RASAL2: variants seen among roughly 807,000 people sequenced by gnomAD.
RASAL2 encodes RAS protein activator like 2.
A neutral mutation model predicts 128.9 loss-of-function variants in RASAL2; 58 were observed. That is an observed-to-expected ratio of 0.45 (90% CI 0.36 to 0.56). The LOEUF (loss-of-function observed/expected upper bound fraction) is 0.56. Among genes scored for constraint, RASAL2 ranks in the 20% least tolerant of loss-of-function variants. RASAL2 has a pLI of 0.00. For missense variants in RASAL2, 1,360 were observed against 1,601.6 expected, an observed-to-expected ratio of 0.85 and a Z score of 2.57; for synonymous variants, 561 against 580.8, an observed-to-expected ratio of 0.97 and a Z score of 0.49.
At chr1:178,387,816 C>T (rs1672673864) in intron 3 of RASAL2, among the ~76,000 whole-genome samples, 1 of 151,972 alleles carries the variant, frequency 6.6e-6, no homozygotes, top group African/African-American at 2.4e-5. Context: ...ATAACAATAC[C>T]ATATTTATTG....
chr1:178,282,378 G>C (rs1666826747), intron 1 of RASAL2, among the ~76,000 whole-genome samples: 1 of 152,150 alleles, frequency 6.6e-6, no homozygotes, highest in Non-Finnish European at 1.5e-5. Flanking sequence ...TCTATGAAGA[G>C]AGACATATAG....
intron 3 of RASAL2, among the ~76,000 whole-genome samples, chr1:178,307,039 A>C (rs1393716632): frequency 1.3e-5 from 2 of 151,960 alleles, no homozygotes; most frequent in African/African-American, 4.8e-5. Context: ...AAAAAGCACG[A>C]AAAAGATGTT....
chr1:178,230,234 T>C (rs7535718), intron 1 of RASAL2, among the ~76,000 whole-genome samples: 7,825 of 152,304 alleles, frequency 0.051, 303 homozygotes, highest in African/African-American at 0.11. Context: ...TTTTATTTTA[T>C]GACTATTATA....
chr1:178,187,253 T>C (rs1011792914), intron 1 of RASAL2, among the ~76,000 whole-genome samples: 4 of 152,162 alleles, frequency 2.6e-5, no homozygotes, highest in Non-Finnish European at 5.9e-5. Context: ...TTTCAATTGG[T>C]GTATTTTAGA....
intron 3 of RASAL2, among the ~76,000 whole-genome samples, chr1:178,324,461 TTCTA>T (rs1373708651): frequency 6.6e-6 from 1 of 151,974 alleles, no homozygotes; most frequent in African/African-American, 2.4e-5. Flanking sequence ...TCTTAAAGCA[TTCTA>T]TCTCTGTATC....
chr1:178,462,004 A>G (rs1289813482), intron 14 of RASAL2, among the ~76,000 whole-genome samples: 1 of 152,200 alleles, frequency 6.6e-6, no homozygotes, highest in Non-Finnish European at 1.5e-5. Flanking sequence ...CTTTATCTCA[A>G]AGGGAAGATA....
At chr1:178,128,334 A>G (rs113316305) in intron 1 of RASAL2, among the ~76,000 whole-genome samples, 16 of 152,152 alleles carry the variant, frequency 1.1e-4, no homozygotes, top group Admixed American at 8.5e-4. Flanking sequence ...ACTGAATAAC[A>G]TAATACTTAA....
chr1:178,377,383 C>T (rs1413317971), intron 3 of RASAL2, among the ~76,000 whole-genome samples: 2 of 151,888 alleles, frequency 1.3e-5, no homozygotes, highest in African/African-American at 4.8e-5. Flanking sequence ...GCTGAACTCT[C>T]AGGAAGGAAA....
intron 3 of RASAL2, among the ~76,000 whole-genome samples, chr1:178,369,925 T>TACGG (rs1388353602): frequency 6.6e-6 from 1 of 152,166 alleles, no homozygotes; most frequent in African/African-American, 2.4e-5. Context: ...ACAATGAAAG[T>TACGG]ACGGACGTGA....
At chr1:178,243,619 ATG>A (rs1664625493) in intron 1 of RASAL2, among the ~76,000 whole-genome samples, 1 of 150,748 alleles carries the variant, frequency 6.6e-6, no homozygotes. Context: ...AAAAAAAAAA[ATG>A]ACAACAACAA....
intron 3 of RASAL2, among the ~76,000 whole-genome samples, chr1:178,380,828 T>A (rs1672242815): frequency 6.6e-6 from 1 of 152,154 alleles, no homozygotes; most frequent in Non-Finnish European, 1.5e-5. Flanking sequence ...ACTTAAGACC[T>A]CCATTATGGA....
intron 3 of RASAL2, among the ~76,000 whole-genome samples, chr1:178,361,092 G>A (rs1193558616): frequency 2.6e-5 from 4 of 152,100 alleles, no homozygotes; most frequent in Non-Finnish European, 5.9e-5. Context: ...GTATTTTATT[G>A]TAATGTTAAT....
Position 178,464,265 on chromosome 1 carries a change from G to A in RASAL2, c.3253-13G>A, listed in dbSNP as rs760762018. 1 of 1,602,320 alleles carries A rather than the reference G, an allele frequency of 6.2e-7. No individual in the cohort carries two copies. The highest frequency in any genetic ancestry group is 1.3e-5 in the African/African-American group (1 of 74,560). On this transcript the variant is annotated splice_polypyrimidine_tract_variant and intron_variant, in intron 14 of 17. Transcript: ENST00000367649. ...GCTGTTAGGGGAAATGCTAATAACT[G>A]TTTCTGATGCAGGTTCAGTCACCTG...
At chr1:178,401,091 A>G (rs1187579708) in intron 4 of RASAL2, among the ~76,000 whole-genome samples, 1 of 152,208 alleles carries the variant, frequency 6.6e-6, no homozygotes, top group Non-Finnish European at 1.5e-5. Flanking sequence ...CTAGAAGACA[A>G]GAACTATATC....
chr1:178,389,645 T>A lies in RASAL2; in HGVS notation c.458-455T>A, dbSNP rs1033214020. 2.0e-5 allele frequency among the ~76,000 whole-genome samples: 3 copies of A among 152,230 alleles called. No homozygotes were observed. The East Asian group carries it at 5.8e-4, about 29-fold the overall frequency. The stretch of plus-strand genomic sequence containing the variant: ...CCTTTTGTTGCAGTCTGGTGAATCA[T>A]CTTATCTGCACAGAACTAACTTTGA... On this transcript the variant is annotated intron_variant, in intron 3 of 17. Coordinates refer to ENST00000367649, the MANE Select transcript of RASAL2 (RefSeq NM_170692.4).
At chr1:178,189,499 T>TA (rs1218482373) in intron 1 of RASAL2, among the ~76,000 whole-genome samples, 1 of 152,212 alleles carries the variant, frequency 6.6e-6, no homozygotes, top group East Asian at 1.9e-4. Flanking sequence ...TTCTGGAAGC[T>TA]TTAGAGTTAT....
chr1:178,109,282 T>C (rs1164964389), intron 1 of RASAL2, among the ~76,000 whole-genome samples: 10 of 152,190 alleles, frequency 6.6e-5, no homozygotes, highest in Admixed American at 5.2e-4. Flanking sequence ...TGTTTTTTTT[T>C]CCTAGATGAG....
In RASAL2 at chr1:178,456,851, G is replaced by A. The variant is rs773452538; in HGVS notation, c.2342G>A (p.Gly781Glu). 3.1e-6 allele frequency: 5 copies of A among 1,614,134 alleles called. No individual in the cohort carries two copies. Among genetic ancestry groups the A allele is most frequent in the Admixed American group, 1.7e-5 (1 of 60,026 alleles). The change falls in exon 13 of 18, where the codon GGA becomes GAA. Residue 781 changes from glycine to glutamate, a missense_variant. Transcript: ENST00000367649. ...CATAACTCCAGTCCAAATGTCAGTG[G>A]AAGCCTCTCCTCTGGGCTGCAGAAA... ...TEHNSSPNVS[G>E]SLSSGLQKIF...
chr1:178,234,331 G>C (rs1664139920), intron 1 of RASAL2, among the ~76,000 whole-genome samples: 1 of 152,124 alleles, frequency 6.6e-6, no homozygotes, highest in African/African-American at 2.4e-5. Flanking sequence ...ATGTAGAGCA[G>C]AATTACACTG....
Sources: allele counts gnomAD v4.1 joint callset (sites outside exome capture counted in the v4.1 genomes callset), GRCh38; gene constraint gnomAD v4.1.1; transcripts MANE v1.5; gene names NCBI Gene and HGNC (gene_info 2026-07-23, HGNC 2026-07-21).